EXD3: variants seen among roughly 807,000 people sequenced by gnomAD.
EXD3 encodes exonuclease mut-7 homolog.
EXD3 carries 92 observed loss-of-function variants against 98.0 expected under a neutral mutation model. That is an observed-to-expected ratio of 0.94 (90% confidence interval 0.79 to 1.12). EXD3 has a LOEUF of 1.12. Ranked by LOEUF, EXD3 falls within the 50% of genes most tolerant of loss-of-function variation. EXD3 has a pLI of 0.00. For missense variants in EXD3, 1,222 were observed against 1,191.6 expected, an observed-to-expected ratio of 1.03 and a Z score of -0.38; for synonymous variants, 569 against 526.0, an observed-to-expected ratio of 1.08 and a Z score of -1.12.
intron 17 of EXD3, among the ~76,000 whole-genome samples, chr9:137,345,383 C>T (rs183330333): frequency 1.5e-3 from 225 of 152,252 alleles, no homozygotes; most frequent in African/African-American, 4.3e-3. Context: ...AAGATCCTGC[C>T]GGGTGTGGTG....
chr9:137,419,235 T>C (rs1838389886), intron 1 of EXD3, among the ~76,000 whole-genome samples: 1 of 152,256 alleles, frequency 6.6e-6, no homozygotes, highest in Non-Finnish European at 1.5e-5. Context: ...GTATATGTTA[T>C]CAGTCGTGAT....
intron 19 of EXD3, among the ~76,000 whole-genome samples, chr9:137,316,261 C>T (rs991169937): frequency 4.6e-5 from 7 of 151,860 alleles, no homozygotes; most frequent in Admixed American, 1.3e-4. Context: ...GAAACGGCCA[C>T]TCAGGGCGCC....
intron 3 of EXD3, among the ~76,000 whole-genome samples, chr9:137,382,168 TGCGGAGGAGGTGAGGGCGC>T (rs1318292985): frequency 5.2e-4 from 11 of 21,236 alleles, no homozygotes; most frequent in South Asian, 4.2e-3. Context: ...GGTGGGAGCA[TGCGGAGGAGGTGAGGGCGC>T]GCGGAGGAGG....
At position 137,359,480 on chromosome 9, in the gene EXD3, G is replaced by C. The variant is rs1160582569; in HGVS notation, c.657-3112C>G. 2.5e-5 allele frequency among the ~76,000 whole-genome samples: 2 copies of C among 80,192 alleles called. 1 individual carries two copies. Among genetic ancestry groups the C allele is most frequent in the African/African-American group, 6.8e-5 (2 of 29,608 alleles). 52.6% of individuals were successfully genotyped at this position (80,192 alleles called of 152,430 possible). The stretch of plus-strand genomic sequence containing the variant: ...TCGAGCCGAGGAGGTTGAGTCTGCA[G>C]TGAGCTGTGGTTGTGTCACTGCACT... On this transcript the variant is annotated intron_variant, in intron 7 of 21. Coordinates refer to ENST00000340951, the MANE Select transcript of EXD3 (RefSeq NM_017820.5).
At chr9:137,350,992 C>T (rs1041299922) in intron 14 of EXD3, 46 bp downstream of exon 14, 37 of 1,520,348 alleles carry the variant, frequency 2.4e-5, no homozygotes, top group Non-Finnish European at 3.3e-5. Context: ...AGCCCTCGAA[C>T]CCCAGGCCCA....
At chr9:137,323,986 G>T (rs1049922619) in intron 18 of EXD3, 104 bp downstream of exon 18, 4 of 1,529,572 alleles carry the variant, frequency 2.6e-6, no homozygotes, top group Non-Finnish European at 3.5e-6. Context: ...AGGCGCTGGG[G>T]GTCGGCCCCA....
intron 19 of EXD3, among the ~76,000 whole-genome samples, chr9:137,311,645 G>A (rs371113660): frequency 1.3e-5 from 2 of 152,188 alleles, no homozygotes; most frequent in Admixed American, 1.3e-4. Context: ...GCTGCTGCCC[G>A]CTGTGGGCCT....
chr9:137,414,002 T>C (rs914502361), intron 1 of EXD3, among the ~76,000 whole-genome samples: 6 of 150,584 alleles, frequency 4.0e-5, no homozygotes, highest in East Asian at 2.0e-4. Flanking sequence ...CTGCAAGCTC[T>C]GCCTCCCGGG....
intron 1 of EXD3, among the ~76,000 whole-genome samples, chr9:137,408,767 C>T (rs957454851): frequency 1.3e-5 from 2 of 152,176 alleles, no homozygotes; most frequent in South Asian, 2.1e-4. Flanking sequence ...GGTGGAGCCT[C>T]GAGCCAATCG....
intron 17 of EXD3, chr9:137,345,955 C>A (rs1833905903): frequency 6.6e-6 from 1 of 151,926 alleles, no homozygotes. Context: ...ACAGAATTCA[C>A]TAAGAGCTTG....
chr9:137,351,915 G>T, intron 12 of EXD3, 151 bp downstream of exon 12: 1 of 973,252 alleles, frequency 1.0e-6, no homozygotes, highest in Non-Finnish European at 1.5e-6. Context: ...ACAGTGTGGG[G>T]AACGGCTGCC....
At position 137,351,340 on chromosome 9, in the gene EXD3, C is replaced by G. The variant is rs58444859; in HGVS notation, c.1362G>C (p.Ser454=). ...AFSRLVAQLL[S]DPSITKLGYG... is the part of the protein sequence containing the mutation. ...CACCCAGCTTGGTGATAGAGGGGTC[C>G]GAGAGGAGCTGGGCCACCAGCCGGG... Residue 454 remains serine (S), a synonymous_variant, in exon 13 of 22, where the codon TCG becomes TCC. Coordinates refer to ENST00000340951, the MANE Select transcript of EXD3 (RefSeq NM_017820.5). 8 of 1,611,424 alleles carry G rather than the reference C, an allele frequency of 5.0e-6. No homozygotes were observed. Among genetic ancestry groups the G allele is most frequent in the Admixed American group, 3.3e-5 (2 of 59,816 alleles).
chr9:137,329,493 GGGGTCACACGGGACTACACGGGA>G (rs1832816510), intron 17 of EXD3, among the ~76,000 whole-genome samples: 1 of 11,316 alleles, frequency 8.8e-5, no homozygotes, highest in Non-Finnish European at 1.6e-4. Context: ...GGGACTACAC[GGGGTCACACGGGACTACACGGGA>G]CTACACGGGA....
intron 17 of EXD3, among the ~76,000 whole-genome samples, chr9:137,343,996 A>T (rs1588302656): frequency 7.1e-6 from 1 of 140,150 alleles, no homozygotes; most frequent in African/African-American, 2.7e-5. Context: ...GGTTCACGCC[A>T]TTCTCCTGCC....
At chr9:137,327,456 C>A (rs537489413) in intron 17 of EXD3, among the ~76,000 whole-genome samples, 1 of 152,120 alleles carries the variant, frequency 6.6e-6, no homozygotes, top group East Asian at 1.9e-4. Context: ...TGGGATGATA[C>A]CCAGTTCTGG....
intron 3 of EXD3, among the ~76,000 whole-genome samples, chr9:137,381,929 G>A (rs940155344): frequency 2.0e-5 from 3 of 152,138 alleles, no homozygotes; most frequent in Non-Finnish European, 4.4e-5. Context: ...GGCGCGAGGA[G>A]GAGGTGAGAG....
At chr9:137,409,528 G>A (rs1837894711) in intron 1 of EXD3, among the ~76,000 whole-genome samples, 1 of 152,078 alleles carries the variant, frequency 6.6e-6, no homozygotes, top group African/African-American at 2.4e-5. Flanking sequence ...ACCAGCCTGG[G>A]TAACATAGCG....
At chr9:137,326,433 G>A (rs1420217839) in intron 17 of EXD3, among the ~76,000 whole-genome samples, 1 of 152,170 alleles carries the variant, frequency 6.6e-6, no homozygotes, top group Non-Finnish European at 1.5e-5. Flanking sequence ...GGCTGAGGCG[G>A]GAGGATGGCC....
intron 17 of EXD3, among the ~76,000 whole-genome samples, chr9:137,329,567 C>T: frequency 2.7e-5 from 1 of 36,526 alleles, no homozygotes; most frequent in Non-Finnish European, 4.8e-5. Flanking sequence ...CTACACGGGA[C>T]TACACGGGGC....
Sources: gnomAD v4.1 joint callset for allele counts (sites outside exome capture counted in the v4.1 genomes callset) on GRCh38, gnomAD v4.1.1 for gene constraint, MANE v1.5 for transcripts, NCBI Gene and HGNC (gene_info 2026-07-23, HGNC 2026-07-21) for gene names.